The following TCF7L2 variants were observed in gnomAD, a reference collection of about 807,000 sequenced individuals.
The protein encoded by TCF7L2 is transcription factor 7 like 2.
A neutral mutation model predicts 77.9 loss-of-function variants in TCF7L2; 23 were observed. That is an observed-to-expected ratio of 0.30 (90% CI 0.21 to 0.42). The LOEUF is 0.42. TCF7L2 is among the 10% of genes least tolerant of loss of function. TCF7L2 has a pLI of 1.00. For missense variants in TCF7L2, 654 were observed against 793.1 expected, an observed-to-expected ratio of 0.82 and a Z score of 2.11; for synonymous variants, 413 against 340.2, an observed-to-expected ratio of 1.21 and a Z score of -2.36.
intron 5 of TCF7L2, among the ~76,000 whole-genome samples, chr10:113,084,457 A>C (rs1188345665): frequency 6.6e-6 from 1 of 152,246 alleles, no homozygotes; most frequent in Non-Finnish European, 1.5e-5. Context: ...TCAGGCCTTC[A>C]GCTGATGGGC....
chr10:112,962,303 C>CTTA (rs2035465136), intron 3 of TCF7L2, among the ~76,000 whole-genome samples: 1 of 152,072 alleles, frequency 6.6e-6, no homozygotes, highest in Admixed American at 6.6e-5. Flanking sequence ...AGATCTGAAT[C>CTTA]AGGCGATTGG....
At chr10:112,994,899 AGACCAGC>A (rs2043187545) in intron 4 of TCF7L2, among the ~76,000 whole-genome samples, 1 of 152,140 alleles carries the variant, frequency 6.6e-6, no homozygotes, top group African/African-American at 2.4e-5. Context: ...CAGGAGTTCC[AGACCAGC>A]CTGGCCAACA....
intron 5 of TCF7L2, among the ~76,000 whole-genome samples, chr10:113,090,038 G>A (rs61732106): frequency 2.6e-5 from 4 of 152,168 alleles, no homozygotes; most frequent in Admixed American, 6.5e-5. Context: ...TGAGGCAGCC[G>A]TGAATGGCTT....
intron 4 of TCF7L2, among the ~76,000 whole-genome samples, chr10:113,005,744 C>G (rs1294534352): frequency 6.6e-6 from 1 of 152,004 alleles, no homozygotes; most frequent in African/African-American, 2.4e-5. Context: ...AGTGTTTGTC[C>G]TCATCGTTAT....
intron 4 of TCF7L2, among the ~76,000 whole-genome samples, chr10:112,981,464 C>T (rs1175248030): frequency 6.6e-6 from 1 of 152,184 alleles, no homozygotes; most frequent in African/African-American, 2.4e-5. Context: ...TTAGGAAAAG[C>T]ATCAAGTTAG....
At chr10:112,994,207 C>G (rs1225094703) in intron 4 of TCF7L2, among the ~76,000 whole-genome samples, 4 of 152,176 alleles carry the variant, frequency 2.6e-5, no homozygotes, top group Non-Finnish European at 2.9e-5. Flanking sequence ...TTCCTCACCC[C>G]CGAGGAGAAA....
intron 5 of TCF7L2, among the ~76,000 whole-genome samples, chr10:113,102,678 G>A (rs2061803128): frequency 3.3e-5 from 5 of 151,972 alleles, no homozygotes; most frequent in Admixed American, 2.0e-4. Context: ...TGTCTTCCTC[G>A]GCCCCTCTAA....
intron 5 of TCF7L2, among the ~76,000 whole-genome samples, chr10:113,052,316 T>C (rs2054616343): frequency 6.6e-6 from 1 of 152,102 alleles, no homozygotes; most frequent in Non-Finnish European, 1.5e-5. Context: ...GATGCATTGA[T>C]GGATTAATTT....
chr10:113,121,371 T>G (rs1053495648), intron 5 of TCF7L2, among the ~76,000 whole-genome samples: 1 of 152,208 alleles, frequency 6.6e-6, no homozygotes, highest in Non-Finnish European at 1.5e-5. Context: ...GTCCTGTTGA[T>G]CAATCCTCTC....
chr10:113,156,239 C>T (rs893206619), intron 11 of TCF7L2, among the ~76,000 whole-genome samples: 2 of 151,956 alleles, frequency 1.3e-5, no homozygotes, highest in African/African-American at 4.8e-5. Context: ...CTCAGCCTCC[C>T]CAGTAGCTGG....
chr10:113,139,936 T>C (rs2068053717), intron 5 of TCF7L2, among the ~76,000 whole-genome samples: 1 of 152,184 alleles, frequency 6.6e-6, no homozygotes, highest in Non-Finnish European at 1.5e-5. Flanking sequence ...TTTAATGCAA[T>C]TCCTTTTCCT....
intron 5 of TCF7L2, among the ~76,000 whole-genome samples, chr10:113,064,661 A>G (rs1027135692): frequency 2.0e-5 from 3 of 152,350 alleles, no homozygotes; most frequent in Admixed American, 6.5e-5. Flanking sequence ...TAATGATGCC[A>G]TAAGTACCCT....
intron 5 of TCF7L2, among the ~76,000 whole-genome samples, chr10:113,072,376 A>T (rs1214683594): frequency 1.3e-5 from 2 of 151,094 alleles, no homozygotes; most frequent in African/African-American, 4.9e-5. Context: ...TTCTTTTGAG[A>T]TGGAGTTTTG....
chr10:113,048,686 C>T (rs1449260040), intron 5 of TCF7L2, among the ~76,000 whole-genome samples: 2 of 152,196 alleles, frequency 1.3e-5, no homozygotes, highest in Non-Finnish European at 2.9e-5. Context: ...ATTGCCACAG[C>T]AGCATTTATG....
intron 5 of TCF7L2, among the ~76,000 whole-genome samples, chr10:113,140,746 T>C (rs191123756): frequency 2.0e-5 from 3 of 152,226 alleles, no homozygotes; most frequent in Admixed American, 2.0e-4. Context: ...TGCCAGTTTC[T>C]TGTAAGTGGT....
intron 5 of TCF7L2, among the ~76,000 whole-genome samples, chr10:113,099,526 G>A (rs780335190): frequency 2.6e-5 from 4 of 152,144 alleles, no homozygotes; most frequent in South Asian, 2.1e-4. Context: ...CAGAGCTGCC[G>A]TCTTCCTGGC....
chr10:112,998,823 T>G (rs1228136143), intron 4 of TCF7L2, among the ~76,000 whole-genome samples: 1 of 152,172 alleles, frequency 6.6e-6, no homozygotes. Flanking sequence ...ATAGTGAAAG[T>G]TCTAATAATT....
intron 5 of TCF7L2, among the ~76,000 whole-genome samples, chr10:113,043,370 T>C (rs1427696690): frequency 2.0e-4 from 30 of 152,132 alleles, no homozygotes; most frequent in Non-Finnish European, 2.9e-5. Flanking sequence ...CAAGTGGAGG[T>C]CAACTTATCA....
At chr10:112,965,323 G>C (rs757966011) in intron 4 of TCF7L2, among the ~76,000 whole-genome samples, 4 of 152,182 alleles carry the variant, frequency 2.6e-5, no homozygotes, top group Non-Finnish European at 5.9e-5. Flanking sequence ...TAGACTCGGA[G>C]CTGAACTGAT....
Sources: allele counts gnomAD v4.1 joint callset (sites outside exome capture counted in the v4.1 genomes callset), GRCh38; gene constraint gnomAD v4.1.1; transcripts MANE v1.5; gene names NCBI Gene and HGNC (gene_info 2026-07-23, HGNC 2026-07-21).